OIP5: variants seen among roughly 807,000 people sequenced by gnomAD.
OIP5 encodes protein Mis18-beta.
A neutral mutation model predicts 20.3 loss-of-function variants in OIP5; 24 were observed. The observed-to-expected ratio is 1.18, with a 90% CI of 0.86 to 1.66. OIP5 has a LOEUF of 1.66. Among genes scored for constraint, OIP5 ranks in the 40% most tolerant of loss-of-function variants. The pLI is 0.00. For missense variants in OIP5, 339 were observed against 289.5 expected (o/e 1.17, Z -1.24); for synonymous variants, 143 against 121.3 (o/e 1.18, Z -1.17).
intron 2 of OIP5, among the ~76,000 whole-genome samples, chr15:41,330,624 C>G (rs557234637): frequency 7.6e-4 from 116 of 151,646 alleles, no homozygotes; most frequent in African/African-American, 2.7e-3. Context: ...AGGATGGTCT[C>G]GATTTCCTGA....
chr15:41,313,110 G>A (rs2047769097), intron 4 of OIP5, among the ~76,000 whole-genome samples, 163 bp downstream of exon 4: 1 of 152,140 alleles, frequency 6.6e-6, no homozygotes, highest in Non-Finnish European at 1.5e-5. Context: ...TTACAGTGTG[G>A]TTTTAGTATT....
chr15:41,313,434 G>A (rs8032838), intron 3 of OIP5, 80 bp from the exon 4 acceptor site: 252,387 of 778,122 alleles, frequency 0.32, 43,471 homozygotes, highest in African/African-American at 0.57. Flanking sequence ...TCTAAAGAAA[G>A]TATGTGTCAA....
chr15:41,319,811 A>T, intron 2 of OIP5, 31 bp from the exon 3 acceptor site: 1 of 1,560,696 alleles, frequency 6.4e-7, no homozygotes, highest in Non-Finnish European at 8.7e-7. Context: ...AATATGGGTA[A>T]GAATAAAAAA....
chr15:41,325,748 G>A (rs1394905235), intron 2 of OIP5, among the ~76,000 whole-genome samples: 1 of 151,562 alleles, frequency 6.6e-6, no homozygotes, highest in African/African-American at 2.4e-5. Flanking sequence ...TACTAGGGAG[G>A]CTGAGGCAGG....
intron 3 of OIP5, among the ~76,000 whole-genome samples, chr15:41,314,266 T>C (rs985521582): frequency 1.4e-4 from 21 of 152,100 alleles, no homozygotes; most frequent in Non-Finnish European, 2.8e-4. Flanking sequence ...CACGCCCAGC[T>C]AATTTTTGTA....
chr15:41,309,923 C>G (rs767482883), intron 4 of OIP5, 74 bp from the exon 5 acceptor site: 1 of 1,018,154 alleles, frequency 9.8e-7, no homozygotes. Context: ...GGGTCTCACT[C>G]TGTTGCCTGA....
rs192801570 is a variant in OIP5 at position 41,332,568 on chromosome 15, G to C, written c.-7C>G. 2 of 1,592,256 alleles carry C rather than the reference G, an allele frequency of 1.3e-6. No homozygotes were observed. The highest frequency in any genetic ancestry group is 1.8e-5 in the Admixed American group (1 of 56,518). The stretch of plus-strand genomic sequence containing the variant: ...GCAGCGGCTGAGCCGCCATCTTCCC[G>C]CAGCCGGCGCCTTCCTTTCGAATAC... On this transcript the variant is annotated 5_prime_UTR_variant, in exon 1 of 5. Transcript: ENST00000220514.
intron 2 of OIP5, among the ~76,000 whole-genome samples, chr15:41,330,069 CA>C (rs960592907): frequency 6.6e-6 from 1 of 151,878 alleles, no homozygotes; most frequent in African/African-American, 2.4e-5. Flanking sequence ...CCCAATATAT[CA>C]AAAATGTCAT....
intron 3 of OIP5, among the ~76,000 whole-genome samples, chr15:41,316,872 A>C (rs1334718522): frequency 1.3e-5 from 2 of 151,976 alleles, no homozygotes; most frequent in Non-Finnish European, 2.9e-5. Flanking sequence ...GAGTTAAGAC[A>C]TGCTCAAATC....
chr15:41,326,608 T>C (rs1200957280), intron 2 of OIP5, among the ~76,000 whole-genome samples: 1 of 152,186 alleles, frequency 6.6e-6, no homozygotes, highest in Admixed American at 6.5e-5. Flanking sequence ...TGTCTTTTAC[T>C]AGACACGGGG....
chr15:41,331,456 T>G (rs966843498), intron 2 of OIP5, among the ~76,000 whole-genome samples: 1 of 152,162 alleles, frequency 6.6e-6, no homozygotes, highest in African/African-American at 2.4e-5. Context: ...TGGTGCTGTG[T>G]GCCTGTAGTC....
At chr15:41,318,382 G>A (rs1435102761) in intron 3 of OIP5, among the ~76,000 whole-genome samples, 1 of 151,964 alleles carries the variant, frequency 6.6e-6, no homozygotes, top group African/African-American at 2.4e-5. Flanking sequence ...AGCTGGTCTC[G>A]AACTCCTGAC....
chr15:41,330,509 T>TTCTCCTGCCTCAG (rs1223854843), intron 2 of OIP5, among the ~76,000 whole-genome samples: 1 of 151,268 alleles, frequency 6.6e-6, no homozygotes, highest in African/African-American at 2.4e-5. Context: ...GTTCACGCCA[T>TTCTCCTGCCTCAG]TCTCCTGCCT....
chr15:41,332,512 C>T lies in OIP5; in HGVS notation c.50G>A (p.Arg17Gln), dbSNP rs759179806. 6.2e-7 allele frequency: 1 copy of T among 1,613,566 alleles called. No individual in the cohort carries two copies. ...CTCAGTGCCACCACAAAAGTCCCCC[C>T]GGGGCGGCGTTGCACAACGTGAGCG... ...RHRSRCATPP[R>Q]GDFCGGTERA... The change falls in exon 1 of 5, where the codon CGG becomes CAG. Residue 17 changes from arginine to glutamine, a missense_variant. Transcript: ENST00000220514.
intron 3 of OIP5, among the ~76,000 whole-genome samples, chr15:41,315,339 G>A (rs2047783105): frequency 6.6e-6 from 1 of 150,788 alleles, no homozygotes; most frequent in Non-Finnish European, 1.5e-5. Context: ...CAAGGCAGGA[G>A]AATCACTTGA....
intron 2 of OIP5, among the ~76,000 whole-genome samples, chr15:41,320,265 C>T (rs554498122): frequency 2.0e-5 from 3 of 152,006 alleles, no homozygotes; most frequent in South Asian, 4.1e-4. Context: ...CGCCCTCTCC[C>T]TCTCCCTCCT....
intron 4 of OIP5, among the ~76,000 whole-genome samples, chr15:41,312,287 A>G (rs1595498238): frequency 7.0e-6 from 1 of 142,738 alleles, no homozygotes; most frequent in Non-Finnish European, 1.5e-5. Context: ...TCAACCTCCC[A>G]AGTAGCTGGG....
intron 2 of OIP5, among the ~76,000 whole-genome samples, chr15:41,320,851 C>T (rs1486540402): frequency 6.6e-6 from 1 of 151,656 alleles, no homozygotes; most frequent in East Asian, 2.0e-4. Flanking sequence ...CGCCTCTTCC[C>T]GGCCGCCATC....
intron 2 of OIP5, among the ~76,000 whole-genome samples, chr15:41,329,055 C>A (rs1205813056): frequency 9.2e-6 from 1 of 109,284 alleles, no homozygotes; most frequent in Non-Finnish European, 1.7e-5. Context: ...CAGAGCAAGA[C>A]TCCATCTCAA....
Sources: allele counts gnomAD v4.1 joint callset (sites outside exome capture counted in the v4.1 genomes callset), GRCh38; gene constraint gnomAD v4.1.1; transcripts MANE v1.5; gene names NCBI Gene and HGNC (gene_info 2026-07-23, HGNC 2026-07-21).